Variants in ZBTB16 observed in about 807,000 individuals in gnomAD.
ZBTB16 encodes the protein zinc finger and BTB domain containing 16.
ZBTB16 carries 8 observed loss-of-function variants against 56.8 expected under a neutral mutation model. The ratio of observed to expected loss-of-function variants is 0.14; its 90% CI spans 0.08 to 0.25. The LOEUF is 0.25. Ranked by LOEUF, ZBTB16 falls within the 10% of genes least tolerant of loss-of-function variation. ZBTB16 has a pLI of 1.00. For synonymous variants in ZBTB16, 363 were observed against 368.5 expected (o/e 0.98, Z 0.17); for missense variants, 625 against 903.0 (o/e 0.69, Z 3.95).
chr11:114,235,656 T>A (rs1175897750), intron 4 of ZBTB16, among the ~76,000 whole-genome samples: 6 of 23,832 alleles, frequency 2.5e-4, no homozygotes, highest in Non-Finnish European at 6.7e-4. Flanking sequence ...CTTTCTTTCT[T>A]TCTTTCTTTC....
chr11:114,256,034 T>TG lies in ZBTB16; in HGVS notation c.*5480dup, dbSNP rs1555163237. ...TTGGTTTTGTTTTGTTTTTTTTTTT[T>TG]GTTTTTTTTGCCTTTTCTTGTGTGG... On this transcript the variant is annotated 3_prime_UTR_variant, in exon 7 of 7. Coordinates refer to ENST00000335953, the MANE Select transcript of ZBTB16 (RefSeq NM_006006.6). Among the ~76,000 whole-genome samples, 1 of 64,670 alleles carries TG rather than the reference T, an allele frequency of 1.5e-5. No homozygotes were observed. 42.4% of individuals were successfully genotyped at this position (64,670 alleles called of 152,430 possible).
At chr11:114,172,086 G>C (rs1190990508) in intron 3 of ZBTB16, among the ~76,000 whole-genome samples, 1 of 152,176 alleles carries the variant, frequency 6.6e-6, no homozygotes, top group East Asian at 1.9e-4. Flanking sequence ...TAGCTGAATG[G>C]AACCTGAGAA....
intron 2 of ZBTB16, among the ~76,000 whole-genome samples, chr11:114,078,198 G>A (rs902462126): frequency 6.6e-6 from 1 of 152,210 alleles, no homozygotes; most frequent in African/African-American, 2.4e-5. Flanking sequence ...ATGTGGACAT[G>A]CAGAGTCTCT....
chr11:114,131,432 G>T (rs1247683474), intron 2 of ZBTB16, among the ~76,000 whole-genome samples: 1 of 152,100 alleles, frequency 6.6e-6, no homozygotes, highest in Non-Finnish European at 1.5e-5. Flanking sequence ...CTTTTTAAGG[G>T]TCAGGTGCTG....
At chr11:114,148,073 T>C (rs1428724479) in intron 2 of ZBTB16, among the ~76,000 whole-genome samples, 10 of 152,222 alleles carry the variant, frequency 6.6e-5, no homozygotes. Flanking sequence ...GGCCTCTTGG[T>C]TCTCCACAGC....
At chr11:114,145,765 G>T (rs1056055447) in intron 2 of ZBTB16, among the ~76,000 whole-genome samples, 5 of 152,112 alleles carry the variant, frequency 3.3e-5, no homozygotes, top group Non-Finnish European at 7.4e-5. Context: ...CCAGTGAATG[G>T]TATACTTGAC....
intron 4 of ZBTB16, among the ~76,000 whole-genome samples, chr11:114,194,333 T>A (rs1943561250): frequency 6.6e-6 from 1 of 152,204 alleles, no homozygotes; most frequent in Admixed American, 6.5e-5. Flanking sequence ...TCCAAGAGAA[T>A]GGCATGTTCA....
At chr11:114,119,072 C>T (rs1941260932) in intron 2 of ZBTB16, among the ~76,000 whole-genome samples, 1 of 151,838 alleles carries the variant, frequency 6.6e-6, no homozygotes, top group Non-Finnish European at 1.5e-5. Flanking sequence ...TGAGACCAGC[C>T]TGGTCAACAT....
At chr11:114,126,037 C>T (rs1941499549) in intron 2 of ZBTB16, among the ~76,000 whole-genome samples, 1 of 152,168 alleles carries the variant, frequency 6.6e-6, no homozygotes, top group African/African-American at 2.4e-5. Context: ...GGAAGCAAGT[C>T]ATCAGTCATA....
intron 2 of ZBTB16, among the ~76,000 whole-genome samples, chr11:114,139,685 G>A (rs1310651896): frequency 1.4e-5 from 2 of 147,932 alleles, no homozygotes; most frequent in African/African-American, 2.5e-5. Flanking sequence ...TCTTATGGAA[G>A]GTGCCAGTTT....
At chr11:114,118,602 A>G (rs1312761954) in intron 2 of ZBTB16, among the ~76,000 whole-genome samples, 4 of 152,132 alleles carry the variant, frequency 2.6e-5, no homozygotes, top group South Asian at 2.1e-4. Context: ...GTAATTCTCA[A>G]ATATCTATTA....
Position 114,132,258 on chromosome 11 carries a change from A to C in ZBTB16, c.1269-24079A>C, listed in dbSNP as rs935126928. Among the ~76,000 whole-genome samples the C allele has an allele frequency of 2.0e-5, 3 of 152,016 alleles. No individual in the cohort carries two copies. In the East Asian group the frequency reaches 5.8e-4, roughly 29 times the overall value. On this transcript the variant is annotated intron_variant, in intron 2 of 6. Transcript: ENST00000335953. ...TTAGAGATACACCATTCAATACTTG[A>C]TTTATTTGTGCAGGTTACCTATCAT...
chr11:114,139,243 C>T (rs180801634), intron 2 of ZBTB16, among the ~76,000 whole-genome samples: 4 of 152,118 alleles, frequency 2.6e-5, no homozygotes, highest in Non-Finnish European at 2.9e-5. Context: ...TTTTGATTTG[C>T]GGTTTTCCCA....
chr11:114,151,789 T>C (rs1375086418), intron 2 of ZBTB16, among the ~76,000 whole-genome samples: 3 of 152,202 alleles, frequency 2.0e-5, no homozygotes, highest in Admixed American at 1.3e-4. Context: ...CCTGGCTGCA[T>C]AGGATGGAAG....
intron 4 of ZBTB16, among the ~76,000 whole-genome samples, chr11:114,238,661 G>A (rs1475085243): frequency 1.3e-5 from 2 of 152,150 alleles, no homozygotes; most frequent in African/African-American, 2.4e-5. Flanking sequence ...AGCAACCCTC[G>A]GTCCTTTCAT....
intron 4 of ZBTB16, chr11:114,209,990 A>C (rs1943962515): frequency 1.0e-6 from 1 of 982,932 alleles, no homozygotes. Context: ...GACTTCAGAC[A>C]AGTTGCTTGT....
chr11:114,207,168 C>T (rs111229426), intron 4 of ZBTB16, among the ~76,000 whole-genome samples: 1 of 152,182 alleles, frequency 6.6e-6, no homozygotes, highest in East Asian at 1.9e-4. Flanking sequence ...CCTGCTCTTG[C>T]GTCTCTCTCT....
intron 2 of ZBTB16, among the ~76,000 whole-genome samples, chr11:114,153,843 T>G (rs553776144): frequency 3.1e-4 from 47 of 152,328 alleles, no homozygotes; most frequent in African/African-American, 1.0e-3. Flanking sequence ...CTTCATCACT[T>G]TATAGGTGAT....
chr11:114,165,443 G>A (rs1408857840), intron 3 of ZBTB16, among the ~76,000 whole-genome samples: 2 of 152,240 alleles, frequency 1.3e-5, no homozygotes, highest in Non-Finnish European at 2.9e-5. Flanking sequence ...GTGCACCTGA[G>A]TGCAGGACTC....
Sources: allele counts gnomAD v4.1 joint callset (sites outside exome capture counted in the v4.1 genomes callset), GRCh38; gene constraint gnomAD v4.1.1; transcripts MANE v1.5; gene names NCBI Gene and HGNC (gene_info 2026-07-23, HGNC 2026-07-21).